Variants in AP2A2 observed in about 807,000 individuals in gnomAD.
AP2A2 encodes AP-2 complex subunit alpha-2.
A neutral mutation model predicts 104.2 loss-of-function variants in AP2A2; 32 were observed. The ratio of observed to expected loss-of-function variants is 0.31; its 90% CI spans 0.23 to 0.41. The LOEUF is 0.41. Ranked by LOEUF, AP2A2 falls within the 10% of genes least tolerant of loss-of-function variation. The pLI, the probability that AP2A2 is intolerant of heterozygous loss-of-function variation, is 1.00. For missense variants in AP2A2, 912 were observed against 1,261.0 expected, an observed-to-expected ratio of 0.72 and a Z score of 4.19; for synonymous variants, 539 against 533.3, an observed-to-expected ratio of 1.01 and a Z score of -0.15.
intron 4 of AP2A2, among the ~76,000 whole-genome samples, chr11:974,420 C>G (rs1331765442): frequency 6.6e-6 from 1 of 152,220 alleles, no homozygotes; most frequent in Non-Finnish European, 1.5e-5. Context: ...CACAGTGGCT[C>G]ACGCATGTAA....
At position 993,209 on chromosome 11, in the gene AP2A2, C is replaced by T. The variant is rs914031314; in HGVS notation, c.1453-75C>T. The T allele has an allele frequency of 2.3e-5, 28 of 1,211,842 alleles. No homozygotes were observed. The highest frequency in any genetic ancestry group is 4.6e-5 in the African/African-American group (3 of 65,264). 75.1% of individuals were successfully genotyped at this position (1,211,842 alleles called of 1,614,324 possible). On this transcript the variant is annotated intron_variant, in intron 11 of 21. Transcript: ENST00000448903. The surrounding 1 kb of genome is among the most constrained non-coding windows in gnomAD (Gnocchi z 8.2). ...GGGCTGGTGCTGGTGTAGGGTGCAC[C>T]GCGCCAGGACGTGCCCGCCTCGCCT...
chr11:978,660 T>C lies in AP2A2; in HGVS notation c.603+1436T>C, dbSNP rs553295641. ...ACCTGCACCCCTGGCAGCTGTCTTT[T>C]GTGTGGCCATGGCTTTTGTCAAATG... On this transcript the variant is annotated intron_variant, in intron 5 of 21. Transcript: ENST00000448903. Among the ~76,000 whole-genome samples the C allele has an allele frequency of 3.9e-5, 6 of 152,290 alleles. No individual in the cohort carries two copies. In the South Asian group the frequency reaches 1.0e-3, roughly 26 times the overall value.
intron 4 of AP2A2, among the ~76,000 whole-genome samples, chr11:972,658 TGGAGACTCCAGCCTGGGCGACAGA>T (rs1854874037): frequency 6.6e-6 from 1 of 152,236 alleles, no homozygotes; most frequent in Non-Finnish European, 1.5e-5. Flanking sequence ...GTTCATGCCT[TGGAGACTCCAGCCTGGGCGACAGA>T]GCGAGACCCT....
At chr11:994,438 G>A (rs576875279) in intron 14 of AP2A2, among the ~76,000 whole-genome samples, 193 bp downstream of exon 14, 2 of 151,522 alleles carry the variant, frequency 1.3e-5, no homozygotes, top group Non-Finnish European at 1.5e-5. Context: ...TGTCCTGGGG[G>A]CCACTGTCCC....
At chr11:979,240 G>A (rs543383449) in intron 5 of AP2A2, among the ~76,000 whole-genome samples, 1 of 149,942 alleles carries the variant, frequency 6.7e-6, no homozygotes, top group South Asian at 2.2e-4. Context: ...TTCTAGATGC[G>A]TGTTTCCTGG....
At chr11:1,000,266 C>A (rs1855987437) in intron 14 of AP2A2, among the ~76,000 whole-genome samples, 166 bp from the exon 15 acceptor site, 1 of 152,172 alleles carries the variant, frequency 6.6e-6, no homozygotes, top group Non-Finnish European at 1.5e-5. Flanking sequence ...TGGCTGTTAG[C>A]CCTCACTCTC....
chr11:932,820 GGTGAACAT>G, intron 1 of AP2A2: 1 of 447,900 alleles, frequency 2.2e-6, no homozygotes, highest in East Asian at 7.1e-5. Context: ...GTGTCCTGGT[GGTGAACAT>G]ATTTTGTGCC....
intron 15 of AP2A2, among the ~76,000 whole-genome samples, chr11:1,003,178 T>C (rs1378869266): frequency 1.3e-5 from 2 of 152,248 alleles, no homozygotes; most frequent in African/African-American, 2.4e-5. Context: ...CTGGGCTCCC[T>C]GTGCGGTGTA....
intron 7 of AP2A2, 26 bp downstream of exon 7, chr11:984,779 A>G (rs1484924722): frequency 6.6e-7 from 1 of 1,524,492 alleles, no homozygotes; most frequent in South Asian, 1.1e-5. Flanking sequence ...CGGCTCCTGA[A>G]GCTGCACCAG....
intron 1 of AP2A2, 33 bp downstream of exon 1, chr11:926,121 G>T (rs775177803): frequency 8.0e-7 from 1 of 1,243,606 alleles, no homozygotes; most frequent in Non-Finnish European, 1.0e-6. Context: ...GGCCGGGGCC[G>T]GGGCCGCCGG....
chr11:959,889 C>T (rs1237643801), intron 2 of AP2A2, among the ~76,000 whole-genome samples: 1 of 152,244 alleles, frequency 6.6e-6, no homozygotes, highest in Non-Finnish European at 1.5e-5. Flanking sequence ...CGGTGGACTG[C>T]CTCTCTGTGA....
At chr11:932,558 T>C (rs1482482005) in intron 1 of AP2A2, 1 of 348,322 alleles carries the variant, frequency 2.9e-6, no homozygotes, top group African/African-American at 2.2e-5. Flanking sequence ...TAAAAAGTGC[T>C]GACTCTTAGA....
At chr11:959,843 C>G (rs1056600043) in intron 2 of AP2A2, among the ~76,000 whole-genome samples, 3 of 152,122 alleles carry the variant, frequency 2.0e-5, no homozygotes, top group Non-Finnish European at 4.4e-5. Flanking sequence ...CACCGAACGC[C>G]TCCTGCTGAC....
intron 1 of AP2A2, chr11:941,038 A>G (rs1477439676): frequency 1.0e-5 from 4 of 394,938 alleles, no homozygotes; most frequent in African/African-American, 8.4e-5. Flanking sequence ...TTGTGTTCTC[A>G]CTTTTCCAGC....
chr11:983,814 T>G (rs558534427), intron 6 of AP2A2, among the ~76,000 whole-genome samples: 1 of 152,340 alleles, frequency 6.6e-6, no homozygotes, highest in African/African-American at 2.4e-5. Context: ...GAGAGACAGC[T>G]CATGTTGGCC....
chr11:943,575 C>T (rs1853728034), intron 1 of AP2A2, among the ~76,000 whole-genome samples: 1 of 152,160 alleles, frequency 6.6e-6, no homozygotes, highest in South Asian at 2.1e-4. Context: ...TGGTCTCCTC[C>T]CTTAATGCCA....
At chr11:935,840 C>G (rs1278971165) in intron 1 of AP2A2, among the ~76,000 whole-genome samples, 1 of 151,202 alleles carries the variant, frequency 6.6e-6, no homozygotes. Context: ...GTGATCCACC[C>G]GCCTTGGCCT....
chr11:995,903 CTCTT>C (rs1855841081), intron 14 of AP2A2, among the ~76,000 whole-genome samples: 1 of 150,564 alleles, frequency 6.6e-6, no homozygotes, highest in Non-Finnish European at 1.5e-5. Flanking sequence ...AAAGATGTGA[CTCTT>C]TCTCCCAAGG....
chr11:982,004 C>G (rs1330567480), intron 6 of AP2A2, among the ~76,000 whole-genome samples: 1 of 152,266 alleles, frequency 6.6e-6, no homozygotes, highest in Non-Finnish European at 1.5e-5. Context: ...GTGCTAGTCT[C>G]TTGGGTTTTA....
Sources: allele counts gnomAD v4.1 joint callset (sites outside exome capture counted in the v4.1 genomes callset), GRCh38; gene constraint gnomAD v4.1.1; non-coding constraint Gnocchi (gnomAD v3.1); transcripts MANE v1.5; gene names NCBI Gene and HGNC (gene_info 2026-07-23, HGNC 2026-07-21).